Variants in TRABD2B observed in about 807,000 individuals in gnomAD.
The protein encoded by TRABD2B is metalloprotease TIKI2.
Under a neutral mutation model 40.1 loss-of-function variants are expected in TRABD2B, and 14 were observed. The ratio of observed to expected loss-of-function variants is 0.35; its 90% CI spans 0.23 to 0.55. TRABD2B has a LOEUF of 0.55. Ranked by LOEUF, TRABD2B falls within the 20% of genes least tolerant of loss-of-function variation. TRABD2B has a pLI of 0.90. For missense variants in TRABD2B, 541 were observed against 648.6 expected (o/e 0.83, Z 1.80); for synonymous variants, 263 against 277.0 (o/e 0.95, Z 0.50).
intron 2 of TRABD2B, among the ~76,000 whole-genome samples, chr1:47,984,008 C>T (rs1391251050): frequency 6.6e-6 from 1 of 152,206 alleles, no homozygotes; most frequent in Non-Finnish European, 1.5e-5. Context: ...TGGCTTTCTC[C>T]GCTGATATCA....
At chr1:47,925,237 G>T (rs1228686043) in intron 2 of TRABD2B, among the ~76,000 whole-genome samples, 1 of 152,076 alleles carries the variant, frequency 6.6e-6, no homozygotes, top group Non-Finnish European at 1.5e-5. Context: ...GTTTCATGAG[G>T]ATCTTATAGA....
intron 2 of TRABD2B, among the ~76,000 whole-genome samples, chr1:47,848,943 G>A (rs76404430): frequency 1.5e-3 from 232 of 152,328 alleles, no homozygotes; most frequent in African/African-American, 5.1e-3. Flanking sequence ...AATGCCAGAG[G>A]CCTTCATCCC....
intron 2 of TRABD2B, among the ~76,000 whole-genome samples, chr1:47,955,289 C>T (rs139746715): frequency 1.1e-3 from 169 of 152,324 alleles, no homozygotes; most frequent in African/African-American, 3.9e-3. Flanking sequence ...TTCTAGTCAC[C>T]TCCTTCCCCA....
chr1:47,848,717 C>T (rs1645505957), intron 2 of TRABD2B, among the ~76,000 whole-genome samples: 1 of 152,196 alleles, frequency 6.6e-6, no homozygotes, highest in Non-Finnish European at 1.5e-5. Context: ...TCCAGGTCAC[C>T]AGACCCCCAG....
At chr1:47,950,228 T>C (rs1443342370) in intron 2 of TRABD2B, among the ~76,000 whole-genome samples, 1 of 151,482 alleles carries the variant, frequency 6.6e-6, no homozygotes, top group Admixed American at 6.6e-5. Context: ...GAGCTTGCAG[T>C]GAGCCGAGAT....
At chr1:47,815,254 G>C (rs1570023381) in intron 2 of TRABD2B, among the ~76,000 whole-genome samples, 1 of 152,232 alleles carries the variant, frequency 6.6e-6, no homozygotes, top group African/African-American at 2.4e-5. Context: ...GATGAGCACA[G>C]ATCTGCTTAC....
At chr1:47,781,541 C>G (rs981081835) in intron 4 of TRABD2B, among the ~76,000 whole-genome samples, 1 of 152,220 alleles carries the variant, frequency 6.6e-6, no homozygotes, top group Non-Finnish European at 1.5e-5. Flanking sequence ...ATCCCCTCAA[C>G]CTCAACCATT....
chr1:47,887,557 A>G (rs6588548), intron 2 of TRABD2B, among the ~76,000 whole-genome samples: 66,752 of 146,698 alleles, frequency 0.46, 15,277 homozygotes, highest in Admixed American at 0.53. Flanking sequence ...TAAGTGAAGG[A>G]TGTGAAAGTC....
chr1:47,983,425 C>T (rs773992037), intron 2 of TRABD2B, among the ~76,000 whole-genome samples: 9 of 152,006 alleles, frequency 5.9e-5, no homozygotes, highest in Non-Finnish European at 1.2e-4. Flanking sequence ...TACAAAAAAC[C>T]CTCTGTGACA....
At chr1:47,964,697 T>C (rs1045159978) in intron 2 of TRABD2B, among the ~76,000 whole-genome samples, 1 of 152,190 alleles carries the variant, frequency 6.6e-6, no homozygotes, top group Non-Finnish European at 1.5e-5. Flanking sequence ...GGATTTCAAC[T>C]AGGGTATTAC....
At chr1:47,916,718 G>C (rs74071853) in intron 2 of TRABD2B, among the ~76,000 whole-genome samples, 22,169 of 152,278 alleles carry the variant, frequency 0.15, 1,888 homozygotes, top group East Asian at 0.35. Context: ...CAGTGGGCAG[G>C]GTCAGACTGG....
At chr1:47,775,644 G>A (rs1343225633) in intron 5 of TRABD2B, among the ~76,000 whole-genome samples, 2 of 152,184 alleles carry the variant, frequency 1.3e-5, no homozygotes, top group Non-Finnish European at 2.9e-5. Flanking sequence ...TTGTTTAGTC[G>A]ACGGATATTT....
At chr1:47,837,750 C>A (rs746124648) in intron 2 of TRABD2B, among the ~76,000 whole-genome samples, 2 of 152,188 alleles carry the variant, frequency 1.3e-5, no homozygotes, top group South Asian at 4.1e-4. Flanking sequence ...GTTTGCACAG[C>A]GGTGCAAATA....
intron 2 of TRABD2B, among the ~76,000 whole-genome samples, chr1:47,814,809 C>A (rs1042965499): frequency 2.6e-5 from 4 of 152,210 alleles, no homozygotes; most frequent in Non-Finnish European, 4.4e-5. Flanking sequence ...GAGACAGCTG[C>A]GCAGAACTTG....
At chr1:47,937,439 CACT>C (rs1157418429) in intron 2 of TRABD2B, among the ~76,000 whole-genome samples, 2 of 152,020 alleles carry the variant, frequency 1.3e-5, no homozygotes, top group Non-Finnish European at 2.9e-5. Flanking sequence ...CCATCATCAT[CACT>C]ACTATCATCA....
chr1:47,839,155 A>T (rs752348193), intron 2 of TRABD2B, among the ~76,000 whole-genome samples: 1 of 152,078 alleles, frequency 6.6e-6, no homozygotes, highest in Non-Finnish European at 1.5e-5. Flanking sequence ...TGGTGACAGG[A>T]CGTTATACAA....
Position 47,811,913 on chromosome 1 carries a change from T to A in TRABD2B, c.667-10294A>T, listed in dbSNP as rs569068150. 9.2e-5 allele frequency among the ~76,000 whole-genome samples: 14 copies of A among 152,342 alleles called. No individual in the cohort carries two copies. The South Asian group carries it at 2.9e-3, about 32-fold the overall frequency. ...TCAGAACATTACACCTACCATCCCA[T>A]GATTTCAACAGTCTATGTTTCCAAA... On this transcript the variant is annotated intron_variant, in intron 2 of 6. Coordinates refer to ENST00000606738, the MANE Select transcript of TRABD2B (RefSeq NM_001194986.2).
intron 2 of TRABD2B, among the ~76,000 whole-genome samples, chr1:47,877,065 A>G (rs1644235662): frequency 6.6e-6 from 1 of 152,130 alleles, no homozygotes; most frequent in Non-Finnish European, 1.5e-5. Flanking sequence ...GAAGGGCTCA[A>G]ATTGGGGTTA....
intron 2 of TRABD2B, among the ~76,000 whole-genome samples, chr1:47,891,729 G>C (rs1050352957): frequency 1.5e-4 from 23 of 152,140 alleles, no homozygotes; most frequent in Non-Finnish European, 8.8e-5. Context: ...TTGAGCATGG[G>C]AGGTTGAGGC....
Sources: gnomAD v4.1 joint callset for allele counts (sites outside exome capture counted in the v4.1 genomes callset) on GRCh38, gnomAD v4.1.1 for gene constraint, MANE v1.5 for transcripts, NCBI Gene and HGNC (gene_info 2026-07-23, HGNC 2026-07-21) for gene names.